The following PCSK5 variants were observed in gnomAD, a reference collection of about 807,000 sequenced individuals.
PCSK5 encodes the protein prohormone convertase 5.
PCSK5 carries 129 observed loss-of-function variants against 233.2 expected under a neutral mutation model. The observed-to-expected ratio is 0.55, with a 90% CI of 0.48 to 0.64. The LOEUF is 0.64. Ranked by LOEUF, PCSK5 falls within the 30% of genes least tolerant of loss-of-function variation. PCSK5 has a pLI of 0.00. For synonymous variants in PCSK5, 825 were observed against 879.2 expected (o/e 0.94, Z 1.09); for missense variants, 2,076 against 2,430.1 (o/e 0.85, Z 3.06).
rs750335498 is a variant in PCSK5, at chr9:76,354,053, A to C, written c.5088A>C (p.Glu1696Asp). ...AACAGGGAGAGAAGTTTAACTGTGA[A>C]AAATGCCACGAGAGCTGCATGGAAT... ...RVGEGEKFNCEKCHESCMECK... is the reference protein window; with the variant it reads ...RVGEGEKFNCDKCHESCMECK... The change falls in exon 37 of 38, where the codon GAA becomes GAC. Residue 1696 changes from glutamate (E) to aspartate (D), a missense_variant. Glu to Asp is a conservative substitution (Grantham distance 45). Transcript: ENST00000674117. The C allele has an allele frequency of 1.9e-6, 3 of 1,609,696 alleles. No individual in the cohort carries two copies. The highest frequency in any genetic ancestry group is 2.7e-5 in the African/African-American group (2 of 74,898).
intron 5 of PCSK5, among the ~76,000 whole-genome samples, chr9:76,028,073 A>C (rs1431851897): frequency 1.3e-5 from 2 of 152,228 alleles, no homozygotes; most frequent in African/African-American, 4.8e-5. Flanking sequence ...AAGCTTAACA[A>C]AATAACTGTA....
chr9:76,018,171 G>C (rs1828030798), intron 3 of PCSK5, among the ~76,000 whole-genome samples: 1 of 151,402 alleles, frequency 6.6e-6, no homozygotes, highest in African/African-American at 2.5e-5. Flanking sequence ...GCTATTTCCA[G>C]TGGTACCCTG....
At chr9:76,275,609 G>A (rs1827665784) in intron 24 of PCSK5, among the ~76,000 whole-genome samples, 2 of 152,204 alleles carry the variant, frequency 1.3e-5, no homozygotes, top group South Asian at 4.2e-4. Flanking sequence ...ATTTTTAGTA[G>A]AGACAGGGTT....
At chr9:76,237,808 G>T (rs13298707) in intron 22 of PCSK5, among the ~76,000 whole-genome samples, 12,553 of 152,130 alleles carry the variant, frequency 0.083, 674 homozygotes, top group Admixed American at 0.13. Context: ...CTATGGCTTT[G>T]AATAAATAAG....
chr9:75,968,862 T>C (rs1021716202), intron 2 of PCSK5, among the ~76,000 whole-genome samples: 1 of 152,260 alleles, frequency 6.6e-6, no homozygotes, highest in Non-Finnish European at 1.5e-5. Context: ...TGACCTTCTT[T>C]ATTATAGACT....
chr9:76,175,165 A>G (rs758931996), intron 14 of PCSK5, 36 bp downstream of exon 14: 2 of 1,603,116 alleles, frequency 1.2e-6, no homozygotes, highest in Non-Finnish European at 1.7e-6. Flanking sequence ...GGCTAAAAAG[A>G]GGCAGCTCAT....
intron 33 of PCSK5, among the ~76,000 whole-genome samples, chr9:76,331,232 C>T (rs958433911): frequency 3.3e-5 from 5 of 152,180 alleles, no homozygotes; most frequent in Non-Finnish European, 7.3e-5. Flanking sequence ...ATGACACATC[C>T]TGATCCCCAG....
chr9:76,271,736 G>C (rs1289439319), intron 24 of PCSK5, among the ~76,000 whole-genome samples: 2 of 152,168 alleles, frequency 1.3e-5, no homozygotes, highest in Admixed American at 1.3e-4. Context: ...CAGTTCTGGA[G>C]GCTGGAAGTC....
At chr9:75,969,523 G>T (rs1192281727) in intron 2 of PCSK5, among the ~76,000 whole-genome samples, 1 of 152,126 alleles carries the variant, frequency 6.6e-6, no homozygotes, top group Non-Finnish European at 1.5e-5. Flanking sequence ...GAAGTAAAGG[G>T]CTGGATAGTA....
chr9:76,049,099 T>TAA (rs33912681), intron 5 of PCSK5, among the ~76,000 whole-genome samples: 12 of 146,632 alleles, frequency 8.2e-5, no homozygotes, highest in African/African-American at 3.0e-4. Context: ...TTCAAAGGGT[T>TAA]AAAAAAAAAA....
At chr9:76,320,385 G>A (rs190068467) in intron 30 of PCSK5, among the ~76,000 whole-genome samples, 257 of 147,968 alleles carry the variant, frequency 1.7e-3, no homozygotes, top group African/African-American at 5.7e-3. Flanking sequence ...AGCCAAGATC[G>A]TGCCATGCAC....
At chr9:76,134,617 T>A (rs1295314227) in intron 10 of PCSK5, among the ~76,000 whole-genome samples, 2 of 152,218 alleles carry the variant, frequency 1.3e-5, no homozygotes, top group Non-Finnish European at 2.9e-5. Context: ...AGTGTAGCAC[T>A]GTTAGTTGCT....
intron 5 of PCSK5, among the ~76,000 whole-genome samples, chr9:76,049,421 T>G (rs2131553189): frequency 6.6e-6 from 1 of 152,338 alleles, no homozygotes; most frequent in South Asian, 2.1e-4. Flanking sequence ...ATGGCCCTGA[T>G]GAACTCTGCA....
intron 12 of PCSK5, 115 bp downstream of exon 12, chr9:76,159,286 G>C: frequency 1.2e-6 from 1 of 867,412 alleles, no homozygotes; most frequent in Non-Finnish European, 1.8e-6. Context: ...CAGAGGGGGT[G>C]CTTAGATGTC....
chr9:76,190,931 C>A (rs1324399244), intron 20 of PCSK5, among the ~76,000 whole-genome samples: 1 of 152,176 alleles, frequency 6.6e-6, no homozygotes, highest in African/African-American at 2.4e-5. Flanking sequence ...GGTTTGAGAA[C>A]CACTGCACAT....
At chr9:76,295,048 G>T (rs1443019787) in intron 25 of PCSK5, among the ~76,000 whole-genome samples, 1 of 152,068 alleles carries the variant, frequency 6.6e-6, no homozygotes, top group East Asian at 1.9e-4. Flanking sequence ...CAGCTACTCG[G>T]GAGGCTGAGG....
At position 76,358,504 on chromosome 9, in the gene PCSK5, T is replaced by G; in HGVS notation, c.5255-9T>G. The G allele has an allele frequency of 6.2e-7, 1 of 1,604,362 alleles. No individual in the cohort carries two copies. On this transcript the variant is annotated splice_polypyrimidine_tract_variant and intron_variant, in intron 37 of 37. Transcript: ENST00000674117. ...TCTTGCCTCTTCCTTTGAGGTCTTCTTCCAACAGACGAATGCATCCTTCGA... is the reference window on the plus strand; with the variant it reads ...TCTTGCCTCTTCCTTTGAGGTCTTCGTCCAACAGACGAATGCATCCTTCGA...
At chr9:76,096,183 A>G in intron 8 of PCSK5, 81 bp downstream of exon 8, 1 of 709,060 alleles carries the variant, frequency 1.4e-6, no homozygotes, top group Non-Finnish European at 2.4e-6. Flanking sequence ...ATAAACATAT[A>G]TATATATACA....
Position 76,028,991 on chromosome 9 carries a change from T to A in PCSK5, c.632+1954T>A, listed in dbSNP as rs373062508. Among the ~76,000 whole-genome samples, 273 of 152,250 alleles carry A rather than the reference T, an allele frequency of 1.8e-3. 7 individuals carry two copies. In the South Asian group the frequency reaches 0.04, roughly 22 times the overall value. On this transcript the variant is annotated intron_variant, in intron 5 of 37. Transcript: ENST00000674117. ...GGTGATTCTAGTCCCTCCCCTTGGGTTTCATAACACCTTATTCTTAAAGTG... is the reference window on the plus strand; with the variant it reads ...GGTGATTCTAGTCCCTCCCCTTGGGATTCATAACACCTTATTCTTAAAGTG...
Sources: allele counts gnomAD v4.1 joint callset (sites outside exome capture counted in the v4.1 genomes callset), GRCh38; gene constraint gnomAD v4.1.1; transcripts MANE v1.5; gene names NCBI Gene and HGNC (gene_info 2026-07-23, HGNC 2026-07-21).